The following BARD1 variants were observed in gnomAD, a reference collection of about 807,000 sequenced individuals.
BARD1 encodes BRCA1 associated RING domain 1, also known as BRCA1-associated RING domain protein 1.
Under a neutral mutation model 77.0 loss-of-function variants are expected in BARD1, and 73 were observed. The observed-to-expected ratio is 0.95, with a 90% CI of 0.79 to 1.15. The LOEUF (loss-of-function observed/expected upper bound fraction) is 1.15. BARD1 is among the 50% of genes most tolerant of loss of function. The probability of loss-of-function intolerance (pLI) is 0.00; values close to 1 mark genes in which losing one functional copy is unlikely to be tolerated. For synonymous variants in BARD1, 384 were observed against 338.0 expected (o/e 1.14, Z -1.49); for missense variants, 993 against 938.8 (o/e 1.06, Z -0.75).
At chr2:214,791,266 A>G (rs1247440317) in intron 3 of BARD1, among the ~76,000 whole-genome samples, 1 of 152,204 alleles carries the variant, frequency 6.6e-6, no homozygotes, top group Non-Finnish European at 1.5e-5. Context: ...AAAAATATGG[A>G]CCTGTGGTAA....
At chr2:214,731,236 G>A (rs927957459) in intron 9 of BARD1, 2 of 164,358 alleles carry the variant, frequency 1.2e-5, no homozygotes, top group Non-Finnish European at 2.6e-5. Context: ...GCACTGTTTA[G>A]AGTCATTCCA....
chr2:214,728,620 A>C lies in BARD1; in HGVS notation c.*56T>G. On this transcript the variant is annotated 3_prime_UTR_variant, in exon 11 of 11. Transcript: ENST00000260947. ...TGTGAACATTAAAAACAGTACAATGACTGGGCTCTCACAAACCGTGCAAAT... is the reference window on the plus strand; with the variant it reads ...TGTGAACATTAAAAACAGTACAATGCCTGGGCTCTCACAAACCGTGCAAAT... 6.5e-7 allele frequency: 1 copy of C among 1,538,674 alleles called. No individual in the cohort carries two copies. Among genetic ancestry groups the C allele is most frequent in the Non-Finnish European group, 9.0e-7 (1 of 1,116,350 alleles).
intron 7 of BARD1, among the ~76,000 whole-genome samples, chr2:214,750,556 G>A (rs1340398245): frequency 6.6e-6 from 1 of 152,118 alleles, no homozygotes; most frequent in East Asian, 1.9e-4. Flanking sequence ...GACTGCAGTG[G>A]GGAATGTTGG....
In BARD1 at chr2:214,767,639, G is replaced by A. The variant is rs867587389; in HGVS notation, c.1411C>T (p.His471Tyr). The A allele has an allele frequency of 6.2e-6, 10 of 1,613,980 alleles. No homozygotes were observed. Among genetic ancestry groups the A allele is most frequent in the Non-Finnish European group, 8.5e-6 (10 of 1,179,924 alleles). ...AATTCCACTACCTTCAGGTGCCCAT[G>A]ATTGCAAGCTTCATGCTAATTAAAT... is the stretch of plus-strand genomic sequence containing the variant. ...GWTPLHEACN[H>Y]GHLKVVELLL... Residue 471 changes from histidine to tyrosine, a missense_variant, in exon 6 of 11, where the codon CAT becomes TAT. By Grantham distance (83) the His-to-Tyr change is moderately conservative. Transcript: ENST00000260947.
At chr2:214,770,768 C>T (rs781084664) in intron 4 of BARD1, among the ~76,000 whole-genome samples, 3 of 152,112 alleles carry the variant, frequency 2.0e-5, no homozygotes, top group South Asian at 2.1e-4. Flanking sequence ...CAGCCTCCAG[C>T]GAAGGTAGAC....
chr2:214,792,203 G>C lies in BARD1; in HGVS notation c.364+94C>G, dbSNP rs1446864722. On this transcript the variant is annotated intron_variant, in intron 3 of 10. Coordinates refer to ENST00000260947, the MANE Select transcript of BARD1 (RefSeq NM_000465.4). The stretch of plus-strand genomic sequence containing the variant: ...TTTAAAATCTGAAATACGTATTCCA[G>C]AACTCCAGATAGATGTTTTATATAC... 3.9e-6 allele frequency: 4 copies of C among 1,018,604 alleles called. No homozygotes were observed. In the South Asian group the frequency reaches 5.5e-5, roughly 14 times the overall value. 63.1% of individuals were successfully genotyped at this position (1,018,604 alleles called of 1,614,324 possible).
chr2:214,756,418 G>A (rs1693696090), intron 6 of BARD1, among the ~76,000 whole-genome samples: 1 of 152,168 alleles, frequency 6.6e-6, no homozygotes, highest in African/African-American at 2.4e-5. Flanking sequence ...GGAAAACAGT[G>A]GAGATTCCTT....
At chr2:214,755,947 TA>T (rs1246978251) in intron 6 of BARD1, among the ~76,000 whole-genome samples, 8 of 152,340 alleles carry the variant, frequency 5.3e-5, no homozygotes, top group Admixed American at 3.9e-4. Context: ...TACACGACAG[TA>T]TATTAATATC....
intron 9 of BARD1, among the ~76,000 whole-genome samples, chr2:214,741,634 C>CT (rs1574729444): frequency 1.3e-5 from 2 of 152,168 alleles, no homozygotes; most frequent in East Asian, 3.9e-4. Context: ...TCTCCCTCAC[C>CT]ATTTTGATGT....
intron 4 of BARD1, among the ~76,000 whole-genome samples, chr2:214,775,218 C>T (rs1002566465): frequency 6.6e-6 from 1 of 152,176 alleles, no homozygotes; most frequent in Admixed American, 6.6e-5. Context: ...CAACTTTCAA[C>T]ATGCCTTCCT....
At position 214,787,848 on chromosome 2, in the gene BARD1, C is replaced by T. The variant is rs1396112170; in HGVS notation, c.364+4449G>A. Among the ~76,000 whole-genome samples, 4 of 152,044 alleles carry T rather than the reference C, an allele frequency of 2.6e-5. No homozygotes were observed. The East Asian group carries it at 7.7e-4, about 29-fold the overall frequency. ...GGATTATAATCATGTACACTGTGTG[C>T]CTTTCAAGTTATTCTCTATTATAGG... is the stretch of plus-strand genomic sequence containing the variant. On this transcript the variant is annotated intron_variant, in intron 3 of 10. Transcript: ENST00000260947.
In BARD1 at chr2:214,804,325, C is replaced by T. The variant is rs560129286; in HGVS notation, c.158+5087G>A. Among the ~76,000 whole-genome samples the T allele has an allele frequency of 4.9e-4, 74 of 152,320 alleles. 2 individuals carry two copies. Among genetic ancestry groups the T allele is most frequent in the Admixed American group, 4.8e-3 (74 of 15,302 alleles). Reference sequence around the variant, plus strand: ...CAAAGGCCCTTCAAATGTGATCCTACCTTAACCTAAGTTCTTTCATACATC... The same window carrying T: ...CAAAGGCCCTTCAAATGTGATCCTATCTTAACCTAAGTTCTTTCATACATC... On this transcript the variant is annotated intron_variant, in intron 1 of 10. Coordinates refer to ENST00000260947, the MANE Select transcript of BARD1 (RefSeq NM_000465.4).
At chr2:214,731,813 G>C (rs1458579426) in intron 9 of BARD1, among the ~76,000 whole-genome samples, 1 of 152,122 alleles carries the variant, frequency 6.6e-6, no homozygotes, top group Non-Finnish European at 1.5e-5. Flanking sequence ...AATAGCAGAG[G>C]GTATCGGGAA....
chr2:214,766,927 T>C (rs983674842), intron 6 of BARD1, among the ~76,000 whole-genome samples: 65 of 152,138 alleles, frequency 4.3e-4, no homozygotes, highest in Non-Finnish European at 6.5e-4. Context: ...CACCCAGGTA[T>C]TGAGCCTAGT....
chr2:214,766,095 A>G (rs955526460), intron 6 of BARD1, among the ~76,000 whole-genome samples: 49 of 152,210 alleles, frequency 3.2e-4, no homozygotes, highest in Admixed American at 1.0e-3. Flanking sequence ...TAATTAACTG[A>G]AAAGAATAAA....
At chr2:214,738,536 A>C (rs1692666192) in intron 9 of BARD1, among the ~76,000 whole-genome samples, 1 of 152,140 alleles carries the variant, frequency 6.6e-6, no homozygotes. Flanking sequence ...TCATAAAAGC[A>C]TATACATCAG....
Position 214,728,793 on chromosome 2 carries a change from A to G in BARD1, c.2217T>C (p.Tyr739=), listed in dbSNP as rs1057522854. Residue 739 remains tyrosine, a synonymous_variant, in exon 11 of 11, where the codon TAT becomes TAC. Transcript: ENST00000260947. ...DQRFCTQYII[Y]EDLCNYHPER... is the part of the protein sequence containing the mutation. The stretch of plus-strand genomic sequence containing the variant: ...CTGGGTGATAATTACACAAATCTTC[A>G]TAGATGATATACTGTGTGCAGAAGC... 4 of 1,614,202 alleles carry G rather than the reference A, an allele frequency of 2.5e-6. No individual in the cohort carries two copies. The highest frequency in any genetic ancestry group is 2.2e-5 in the South Asian group (2 of 91,086).
intron 6 of BARD1, among the ~76,000 whole-genome samples, chr2:214,758,540 T>C (rs574600875): frequency 1.1e-4 from 17 of 152,340 alleles, no homozygotes; most frequent in African/African-American, 4.1e-4. Flanking sequence ...GGAAGTTTAC[T>C]AAGGGAAAGT....
chr2:214,770,439 T>C (rs1207841395), intron 4 of BARD1, among the ~76,000 whole-genome samples: 2 of 152,206 alleles, frequency 1.3e-5, no homozygotes, highest in Admixed American at 6.5e-5. Context: ...AGATGAGGAA[T>C]AGTAAGAAAT....
Sources: allele counts gnomAD v4.1 joint callset (sites outside exome capture counted in the v4.1 genomes callset), GRCh38; gene constraint gnomAD v4.1.1; transcripts MANE v1.5; gene names NCBI Gene and HGNC (gene_info 2026-07-23, HGNC 2026-07-21).